ABCC5: variants seen among roughly 807,000 people sequenced by gnomAD.
ABCC5 encodes ATP binding cassette subfamily C member 5.
In ABCC5, 61 loss-of-function variants were observed where a neutral mutation model predicts 160.9. The ratio of observed to expected loss-of-function variants is 0.38; its 90% CI spans 0.31 to 0.47. The LOEUF (loss-of-function observed/expected upper bound fraction) is 0.47, where lower values mean the gene tolerates loss of function less well. ABCC5 is among the 20% of genes least tolerant of loss of function. The pLI, the probability that ABCC5 is intolerant of heterozygous loss-of-function variation, is 0.99. For missense variants in ABCC5, 1,308 were observed against 1,813.3 expected (o/e 0.72, Z 5.06); for synonymous variants, 666 against 700.6 (o/e 0.95, Z 0.78).
intron 2 of ABCC5, among the ~76,000 whole-genome samples, chr3:184,013,145 T>C (rs1265474144): frequency 6.6e-6 from 1 of 152,210 alleles, no homozygotes; most frequent in African/African-American, 2.4e-5. Flanking sequence ...ATTAGATTAT[T>C]ATCTAAAGAC....
chr3:183,951,263 T>C lies in ABCC5; in HGVS notation c.2944+178A>G, dbSNP rs1715316956. ...CTTTCTGCTAACTCAATTCATTGAA[T>C]TTATTTTCAGGTCAAACAAGACAGA... On this transcript the variant is annotated intron_variant, in intron 20 of 29. Transcript: ENST00000334444. The surrounding 1 kb of genome is among the most constrained non-coding windows in gnomAD (Gnocchi z 4.7). 6.6e-6 allele frequency among the ~76,000 whole-genome samples: 1 copy of C among 152,248 alleles called. No homozygotes were observed. The highest frequency in any genetic ancestry group is 1.5e-5 in the Non-Finnish European group (1 of 68,048).
chr3:184,008,150 A>T (rs1721392541), intron 2 of ABCC5, among the ~76,000 whole-genome samples: 1 of 152,222 alleles, frequency 6.6e-6, no homozygotes, highest in Non-Finnish European at 1.5e-5. Context: ...ATTGGTGGAC[A>T]AGCAGGCCCA....
chr3:183,985,431 C>A, intron 5 of ABCC5: 1 of 1,486,934 alleles, frequency 6.7e-7, no homozygotes, highest in Non-Finnish European at 9.4e-7. Flanking sequence ...CCCCCCAAAT[C>A]CAGATCCTGA....
At chr3:184,001,306 C>A (rs568159621) in intron 2 of ABCC5, 8 of 458,466 alleles carry the variant, frequency 1.7e-5, no homozygotes, top group East Asian at 1.3e-4. Flanking sequence ...TCATTTAACC[C>A]AATGCAAAGT....
intron 1 of ABCC5, among the ~76,000 whole-genome samples, chr3:184,016,847 G>A (rs755869453): frequency 6.6e-6 from 1 of 152,182 alleles, no homozygotes; most frequent in Non-Finnish European, 1.5e-5. Context: ...CCTGCACAAT[G>A]ATACTGATTC....
intron 5 of ABCC5, chr3:183,985,562 G>A: frequency 4.2e-6 from 3 of 719,614 alleles, no homozygotes; most frequent in Non-Finnish European, 7.6e-6. Flanking sequence ...CACCAAGAGA[G>A]AGCACTGCAG....
intron 5 of ABCC5, chr3:183,984,911 T>C: frequency 6.4e-7 from 1 of 1,557,196 alleles, no homozygotes; most frequent in Non-Finnish European, 8.6e-7. Context: ...GGACAGCAGG[T>C]GGTTGCCTTG....
chr3:183,987,156 A>ATCTC lies in ABCC5; in HGVS notation c.591+613_591+614insGAGA. 1 of 161,840 alleles carries ATCTC rather than the reference A, an allele frequency of 6.2e-6. No homozygotes were observed. The highest frequency in any genetic ancestry group is 5.8e-5 in the Admixed American group (1 of 17,386). 10.0% of individuals were successfully genotyped at this position (161,840 alleles called of 1,614,324 possible). A position where few individuals can be genotyped will look rare whatever the true frequency, so the allele number is the denominator to read the frequency against. On this transcript the variant is annotated intron_variant, in intron 5 of 29. Coordinates refer to ENST00000334444, the MANE Select transcript of ABCC5 (RefSeq NM_005688.4). This position sits in a 1 kb window ranked among gnomAD's most constrained non-coding sequence, Gnocchi z 4.2. Reference sequence around the variant, plus strand: ...AGGCAGCACAGCAGGTGTAAGAAACAGGTGCCCAGGAAACAGAGTGAACGT... The same window carrying ATCTC: ...AGGCAGCACAGCAGGTGTAAGAAACATCTCGGTGCCCAGGAAACAGAGTGAACGT...
At position 183,921,952 on chromosome 3, in the gene ABCC5, A is replaced by C. The variant is rs1372058146; in HGVS notation, c.4213-551T>G. 6.6e-6 allele frequency among the ~76,000 whole-genome samples: 1 copy of C among 151,848 alleles called. No individual in the cohort carries two copies. Among genetic ancestry groups the C allele is most frequent in the African/African-American group, 2.4e-5 (1 of 41,296 alleles). On this transcript the variant is annotated intron_variant, in intron 29 of 29. Coordinates refer to ENST00000334444, the MANE Select transcript of ABCC5 (RefSeq NM_005688.4). This position sits in a 1 kb window ranked among gnomAD's most constrained non-coding sequence, Gnocchi z 4.1. ...AGGCTGAGGCAGGAGAATCGCTTGA[A>C]CCCAGGAGGTGGAGGTTGCAGTGAA...
chr3:183,965,982 A>C (rs1030571362), intron 12 of ABCC5, among the ~76,000 whole-genome samples: 1 of 152,112 alleles, frequency 6.6e-6, no homozygotes, highest in Non-Finnish European at 1.5e-5. Context: ...AGTATTTATA[A>C]TATATACACA....
intron 7 of ABCC5, 50 bp from the exon 8 acceptor site, chr3:183,981,924 G>C (rs1718780704): frequency 2.6e-6 from 4 of 1,563,942 alleles, no homozygotes; most frequent in African/African-American, 2.8e-5. Context: ...TCAAACTTGA[G>C]AACTACCTAA....
intron 27 of ABCC5, 99 bp downstream of exon 27, chr3:183,928,648 T>C: frequency 9.2e-7 from 1 of 1,083,184 alleles, no homozygotes. Context: ...TCCACAGGCA[T>C]CCTGGAGGCA....
chr3:183,979,744 T>G (rs1345495583), intron 8 of ABCC5, among the ~76,000 whole-genome samples: 4 of 151,868 alleles, frequency 2.6e-5, no homozygotes, highest in Non-Finnish European at 4.4e-5. Flanking sequence ...CCATGCCCAG[T>G]TATGTTTTAT....
Position 183,949,770 on chromosome 3 carries a change from C to T in ABCC5, c.3210G>A (p.Gly1070=), listed in dbSNP as rs758967498. ...GLATIHAYNK[G]QEFLHRYQEL... is the part of the protein sequence containing the mutation. ...GGACAAACCTGTGCAGAAACTCCTG[C>T]CCTTTATTGTAGGCGTGGATGGTGG... Residue 1070 remains glycine, a synonymous_variant, in exon 22 of 30, where the codon GGG becomes GGA. Transcript: ENST00000334444. This position sits in a 1 kb window ranked among gnomAD's most constrained non-coding sequence, Gnocchi z 4.2. 6 of 1,614,100 alleles carry T rather than the reference C, an allele frequency of 3.7e-6. No individual in the cohort carries two copies. Among genetic ancestry groups the T allele is most frequent in the Non-Finnish European group, 4.2e-6 (5 of 1,179,982 alleles).
At chr3:183,931,613 C>T (rs762125623) in intron 26 of ABCC5, among the ~76,000 whole-genome samples, 2 of 152,218 alleles carry the variant, frequency 1.3e-5, no homozygotes, top group Admixed American at 6.5e-5. Context: ...GGATTACAGG[C>T]GTGAGCCACT....
intron 2 of ABCC5, among the ~76,000 whole-genome samples, chr3:183,999,108 A>C (rs2108893160): frequency 6.6e-6 from 1 of 151,932 alleles, no homozygotes; most frequent in Non-Finnish European, 1.5e-5. Flanking sequence ...AAAAGAAAAA[A>C]AAAAAGAAAC....
At chr3:183,929,705 C>G (rs77744119) in intron 26 of ABCC5, among the ~76,000 whole-genome samples, 9,978 of 152,244 alleles carry the variant, frequency 0.066, 403 homozygotes, top group East Asian at 0.17. Flanking sequence ...ACAGTATCTA[C>G]CTCAAGGAAA....
At chr3:184,013,279 G>A (rs757348190) in intron 2 of ABCC5, among the ~76,000 whole-genome samples, 23 of 151,872 alleles carry the variant, frequency 1.5e-4, no homozygotes, top group Non-Finnish European at 2.6e-4. Context: ...TTTTGGAGAC[G>A]GAGTCTCACT....
At chr3:183,997,623 T>C (rs914745722) in intron 2 of ABCC5, among the ~76,000 whole-genome samples, 2 of 152,168 alleles carry the variant, frequency 1.3e-5, no homozygotes, top group African/African-American at 2.4e-5. Context: ...GCCTCTGGCA[T>C]AGTAGAGAGT....
Sources: gnomAD v4.1 joint callset for allele counts (sites outside exome capture counted in the v4.1 genomes callset) on GRCh38, gnomAD v4.1.1 for gene constraint, Gnocchi (gnomAD v3.1) non-coding constraint, MANE v1.5 for transcripts, NCBI Gene and HGNC (gene_info 2026-07-23, HGNC 2026-07-21) for gene names.